FAR2: variants seen among roughly 807,000 people sequenced by gnomAD.
FAR2 encodes epididymis secretory protein Li 81.
FAR2 carries 19 observed loss-of-function variants against 56.0 expected under a neutral mutation model. The ratio of observed to expected loss-of-function variants is 0.34; its 90% CI spans 0.24 to 0.50. The LOEUF is 0.50. FAR2 is among the 20% of genes least tolerant of loss of function. The pLI, the probability that FAR2 is intolerant of heterozygous loss-of-function variation, is 0.98. For missense variants in FAR2, 508 were observed against 642.2 expected, an observed-to-expected ratio of 0.79 and a Z score of 2.26; for synonymous variants, 219 against 218.8, an observed-to-expected ratio of 1.00 and a Z score of -0.01.
chr12:29,290,258 C>A (rs893835237), intron 2 of FAR2, among the ~76,000 whole-genome samples: 1 of 151,978 alleles, frequency 6.6e-6, no homozygotes, highest in Non-Finnish European at 1.5e-5. Context: ...TCAGCCTGGC[C>A]AACGTAGCGA....
At position 29,254,147 on chromosome 12, in the gene FAR2, T is replaced by G. The variant is rs1035981173; in HGVS notation, c.-38-16265T>G. 2.7e-4 allele frequency among the ~76,000 whole-genome samples: 41 copies of G among 152,338 alleles called. 1 individual carries two copies. Among genetic ancestry groups the G allele is most frequent in the African/African-American group, 8.7e-4 (36 of 41,582 alleles). On this transcript the variant is annotated intron_variant, in intron 1 of 11. Coordinates refer to ENST00000536681, the MANE Select transcript of FAR2 (RefSeq NM_001271783.2). ...ATTAGTGAGGGCTGTTCCCAACAGCTGTCCACAATTCCCCTGGGAGTTAAT... is the reference window on the plus strand; with the variant it reads ...ATTAGTGAGGGCTGTTCCCAACAGCGGTCCACAATTCCCCTGGGAGTTAAT...
chr12:29,160,324 G>A (rs977657328), intron 1 of FAR2, among the ~76,000 whole-genome samples: 3 of 152,188 alleles, frequency 2.0e-5, no homozygotes, highest in African/African-American at 7.2e-5. Flanking sequence ...AAAGGATTAT[G>A]TCATTCCCCT....
intron 4 of FAR2, among the ~76,000 whole-genome samples, chr12:29,306,915 T>C (rs890229314): frequency 6.6e-6 from 1 of 152,230 alleles, no homozygotes; most frequent in African/African-American, 2.4e-5. Context: ...GTTATTAGCA[T>C]AGACTCTAAA....
intron 1 of FAR2, among the ~76,000 whole-genome samples, chr12:29,215,293 C>T (rs1947609484): frequency 6.6e-6 from 1 of 152,090 alleles, no homozygotes; most frequent in Non-Finnish European, 1.5e-5. Context: ...AAACCTCATG[C>T]TTTTGTCTTG....
At chr12:29,206,723 A>G (rs1947480716) in intron 1 of FAR2, among the ~76,000 whole-genome samples, 1 of 152,208 alleles carries the variant, frequency 6.6e-6, no homozygotes, top group African/African-American at 2.4e-5. Flanking sequence ...ATATGAAATG[A>G]CATAAGGCAG....
chr12:29,190,991 C>T (rs987696750), intron 1 of FAR2, among the ~76,000 whole-genome samples: 3 of 152,118 alleles, frequency 2.0e-5, no homozygotes, highest in African/African-American at 7.2e-5. Flanking sequence ...CATGAGGCTC[C>T]AATTGAAAAC....
intron 4 of FAR2, among the ~76,000 whole-genome samples, chr12:29,301,312 C>A: frequency 6.6e-6 from 1 of 152,156 alleles, no homozygotes; most frequent in East Asian, 1.9e-4. Flanking sequence ...CTCATCCCAG[C>A]CACCGGTTCC....
chr12:29,164,932 A>G (rs1378667982), intron 1 of FAR2, among the ~76,000 whole-genome samples: 1 of 152,190 alleles, frequency 6.6e-6, no homozygotes, highest in African/African-American at 2.4e-5. Flanking sequence ...TTACAGAACT[A>G]TTTACTTGCT....
At chr12:29,236,153 T>C (rs1368803529) in intron 1 of FAR2, among the ~76,000 whole-genome samples, 1 of 152,204 alleles carries the variant, frequency 6.6e-6, no homozygotes, top group African/African-American at 2.4e-5. Context: ...TATCACACTG[T>C]ACCCTATAAA....
At chr12:29,291,314 TAC>T in intron 2 of FAR2, 1 of 447,198 alleles carries the variant, frequency 2.2e-6, no homozygotes, top group Admixed American at 2.4e-5. Flanking sequence ...GGTTAAGAAA[TAC>T]AATTTCCTAG....
At chr12:29,267,343 G>A (rs570746320) in intron 1 of FAR2, among the ~76,000 whole-genome samples, 3 of 152,148 alleles carry the variant, frequency 2.0e-5, no homozygotes, top group Admixed American at 6.5e-5. Flanking sequence ...ATTGCTAAGA[G>A]TTTTGCATGT....
At chr12:29,299,958 T>C (rs1949135421) in intron 4 of FAR2, among the ~76,000 whole-genome samples, 1 of 152,238 alleles carries the variant, frequency 6.6e-6, no homozygotes, top group Non-Finnish European at 1.5e-5. Context: ...GTAACACAGG[T>C]CATTCTGAAT....
At chr12:29,285,015 G>C (rs1464397235) in intron 2 of FAR2, among the ~76,000 whole-genome samples, 4 of 152,084 alleles carry the variant, frequency 2.6e-5, no homozygotes, top group Non-Finnish European at 4.4e-5. Flanking sequence ...CTAATTTTTT[G>C]TATTTTTAGT....
intron 1 of FAR2, among the ~76,000 whole-genome samples, chr12:29,154,635 G>T (rs918823908): frequency 2.3e-4 from 35 of 152,044 alleles, no homozygotes; most frequent in African/African-American, 8.0e-4. Flanking sequence ...GGGTTTCACC[G>T]TGTTAGCCAG....
At chr12:29,256,743 G>A (rs955146235) in intron 1 of FAR2, among the ~76,000 whole-genome samples, 3 of 152,192 alleles carry the variant, frequency 2.0e-5, no homozygotes, top group Admixed American at 2.0e-4. Context: ...CGGAGCACTC[G>A]GCCGGCCCTG....
chr12:29,190,487 G>A (rs191879303), intron 1 of FAR2, among the ~76,000 whole-genome samples: 1 of 151,842 alleles, frequency 6.6e-6, no homozygotes, highest in South Asian at 2.1e-4. Context: ...TTATTGAGAC[G>A]GAGTTTCCCT....
At chr12:29,238,510 G>T in intron 1 of FAR2, among the ~76,000 whole-genome samples, 1 of 151,332 alleles carries the variant, frequency 6.6e-6, no homozygotes, top group African/African-American at 2.4e-5. Context: ...GCTAAATATT[G>T]GTGGCTGGAA....
intron 1 of FAR2, among the ~76,000 whole-genome samples, chr12:29,235,780 G>A (rs1947931717): frequency 1.3e-5 from 2 of 152,168 alleles, no homozygotes; most frequent in African/African-American, 4.8e-5. Context: ...TGAGTGATGG[G>A]AGCAAATGAG....
intron 10 of FAR2, among the ~76,000 whole-genome samples, chr12:29,322,872 C>G (rs1949575565): frequency 6.6e-6 from 1 of 152,228 alleles, no homozygotes; most frequent in African/African-American, 2.4e-5. Flanking sequence ...TCCCTGACCC[C>G]TTGCACTTCC....
Sources: gnomAD v4.1 joint callset for allele counts (sites outside exome capture counted in the v4.1 genomes callset) on GRCh38, gnomAD v4.1.1 for gene constraint, MANE v1.5 for transcripts, NCBI Gene and HGNC (gene_info 2026-07-23, HGNC 2026-07-21) for gene names.